RABGEF1: variants seen among roughly 807,000 people sequenced by gnomAD.
RABGEF1 encodes the protein rab5 GDP/GTP exchange factor.
Under a neutral mutation model 57.3 loss-of-function variants are expected in RABGEF1, and 26 were observed. The observed-to-expected ratio is 0.45, with a 90% confidence interval of 0.33 to 0.63. The LOEUF is 0.63. RABGEF1 is among the 20% of genes least tolerant of loss of function. RABGEF1 has a pLI of 0.02. For missense variants in RABGEF1, 464 were observed against 607.6 expected (o/e 0.76, Z 2.48); for synonymous variants, 185 against 210.7 (o/e 0.88, Z 1.06).
chr7:66,720,194 A>ATTAT (rs1263772824), intron 2 of RABGEF1, among the ~76,000 whole-genome samples: 1 of 134,336 alleles, frequency 7.4e-6, no homozygotes, highest in African/African-American at 2.8e-5. Context: ...TATTATTATT[A>ATTAT]TTTTTTTTTT....
chr7:66,753,306 T>C (rs193101362), intron 1 of RABGEF1, among the ~76,000 whole-genome samples: 26 of 152,332 alleles, frequency 1.7e-4, no homozygotes, highest in South Asian at 6.2e-4. Context: ...TGTATGATTG[T>C]CCTATTTGTA....
the RABGEF1 span, among the ~76,000 whole-genome samples, chr7:66,668,540 T>C: frequency 6.6e-6 from 1 of 152,072 alleles, no homozygotes; most frequent in Non-Finnish European, 1.5e-5. Flanking sequence ...GAGAAGACCC[T>C]CTGGAGAGGG....
intron 1 of RABGEF1, among the ~76,000 whole-genome samples, chr7:66,689,325 AAG>A (rs1055809371): frequency 3.3e-5 from 5 of 152,122 alleles, no homozygotes; most frequent in Non-Finnish European, 7.3e-5. Context: ...AGAAAAAAAA[AAG>A]AAAACTCAAA....
intron 1 of RABGEF1, among the ~76,000 whole-genome samples, chr7:66,742,752 G>A (rs1165483842): frequency 6.6e-6 from 1 of 152,088 alleles, no homozygotes; most frequent in Admixed American, 6.6e-5. Context: ...GACTGCAGAT[G>A]CGTGCCACCA....
Position 66,771,889 on chromosome 7 carries a change from G to A in RABGEF1, c.-11G>A. ...CACTTTCTTGTTTGTTCAGTGGTTA[G>A]CAGGAAGAAGATGAGCCTTAAGTCT... On this transcript the variant is annotated 5_prime_UTR_variant, in exon 2 of 9. Coordinates refer to ENST00000284957, the MANE Select transcript of RABGEF1 (RefSeq NM_014504.3). 6.7e-7 allele frequency: 1 copy of A among 1,488,350 alleles called. No individual in the cohort carries two copies. Among genetic ancestry groups the A allele is most frequent in the Non-Finnish European group, 9.0e-7 (1 of 1,112,428 alleles). The allele number at this position is 1,488,350 out of a possible 1,614,324, so 92.2% of individuals were successfully genotyped here.
intron 1 of RABGEF1, among the ~76,000 whole-genome samples, chr7:66,751,510 A>G (rs936090243): frequency 5.3e-5 from 8 of 152,204 alleles, no homozygotes; most frequent in Non-Finnish European, 1.0e-4. Context: ...TTCAGAGAAG[A>G]AATCACTCTT....
rs1378828254 is a variant in RABGEF1, at chr7:66,783,742, G to A, written c.414G>A (p.Val138=). Reference sequence around the variant, plus strand: ...AAACCAGCATTGAAACGGATAGAGTGTCTAAGGAGTTCATAGAATTTCTCA... The same window carrying A: ...AAACCAGCATTGAAACGGATAGAGTATCTAAGGAGTTCATAGAATTTCTCA... The part of the protein sequence containing the change: ...NRQTSIETDR[V]SKEFIEFLKT... The change falls in exon 4 of 9, where the codon GTG becomes GTA. Residue 138 remains valine, a synonymous_variant. Transcript: ENST00000284957. The A allele has an allele frequency of 1.2e-6, 2 of 1,613,506 alleles. No individual in the cohort carries two copies. The highest frequency in any genetic ancestry group is 2.2e-5 in the East Asian group (1 of 44,872).
Position 66,754,554 on chromosome 7 carries a change from G to A in RABGEF1, c.-18+13762G>A, listed in dbSNP as rs560659882. Among the ~76,000 whole-genome samples, 263 of 152,094 alleles carry A rather than the reference G, an allele frequency of 1.7e-3. 1 individual carries two copies. Among genetic ancestry groups the A allele is most frequent in the African/African-American group, 6.1e-3 (253 of 41,496 alleles). ...AGCCCAGGAGTTGGAGACCAGCCTG[G>A]CCAACAGGGTGAGACCTTGTAGCTA... On this transcript the variant is annotated intron_variant, in intron 1 of 8. Coordinates refer to ENST00000284957, the MANE Select transcript of RABGEF1 (RefSeq NM_014504.3).
chr7:66,658,197 A>G, the RABGEF1 span, among the ~76,000 whole-genome samples: 1 of 152,184 alleles, frequency 6.6e-6, no homozygotes, highest in Non-Finnish European at 1.5e-5. Flanking sequence ...AAATCTCTAG[A>G]AACACAAACC....
At chr7:66,790,296 C>T (rs1472813909) in intron 4 of RABGEF1, among the ~76,000 whole-genome samples, 2 of 152,124 alleles carry the variant, frequency 1.3e-5, no homozygotes, top group East Asian at 3.8e-4. Context: ...CAAGCTGAAC[C>T]CTGTCAGAGC....
At chr7:66,757,826 T>C (rs971354022) in intron 1 of RABGEF1, among the ~76,000 whole-genome samples, 1 of 152,184 alleles carries the variant, frequency 6.6e-6, no homozygotes, top group Non-Finnish European at 1.5e-5. Flanking sequence ...TTAGCCAGGA[T>C]GGTCTCGATC....
chr7:66,711,348 G>T (rs994858810), intron 1 of RABGEF1, among the ~76,000 whole-genome samples: 2 of 150,082 alleles, frequency 1.3e-5, no homozygotes, highest in Non-Finnish European at 3.0e-5. Flanking sequence ...TATTTTTTTC[G>T]ATGTTTTCTT....
At chr7:66,748,338 AT>A (rs1003530759) in intron 1 of RABGEF1, among the ~76,000 whole-genome samples, 2 of 152,144 alleles carry the variant, frequency 1.3e-5, no homozygotes, top group African/African-American at 4.8e-5. Context: ...GAGTAGGTGG[AT>A]TGCACATTCT....
In RABGEF1 at chr7:66,750,659, T is replaced by C. The variant is rs182713246; in HGVS notation, c.-18+9867T>C. ...ATAATATACACACATATAATGGTGC[T>C]TGAGAAATAAGTTGAGATTATTTTA... is the stretch of plus-strand genomic sequence containing the variant. On this transcript the variant is annotated intron_variant, in intron 1 of 8. Coordinates refer to ENST00000284957, the MANE Select transcript of RABGEF1 (RefSeq NM_014504.3). Among the ~76,000 whole-genome samples the C allele has an allele frequency of 2.3e-3, 353 of 152,348 alleles. 2 individuals are homozygous for C. Among genetic ancestry groups the C allele is most frequent in the African/African-American group, 7.8e-3 (325 of 41,574 alleles).
intron 4 of RABGEF1, among the ~76,000 whole-genome samples, chr7:66,790,760 T>C (rs1450446628): frequency 2.0e-5 from 3 of 152,210 alleles, no homozygotes; most frequent in Non-Finnish European, 4.4e-5. Flanking sequence ...ACAGTTGCAT[T>C]AATGAACTCC....
intron 1 of RABGEF1, among the ~76,000 whole-genome samples, chr7:66,768,531 A>C (rs964913403): frequency 6.6e-6 from 1 of 152,062 alleles, no homozygotes; most frequent in African/African-American, 2.4e-5. Context: ...CCCAGAGCAA[A>C]ATGTTTTGTT....
chr7:66,696,041 G>A (rs549039733), intron 1 of RABGEF1, among the ~76,000 whole-genome samples: 54 of 151,896 alleles, frequency 3.6e-4, no homozygotes, highest in African/African-American at 1.3e-3. Context: ...GGGGCTGGAC[G>A]TGGGCCTTAC....
chr7:66,710,756 T>A (rs899670576), intron 1 of RABGEF1, among the ~76,000 whole-genome samples: 2 of 152,208 alleles, frequency 1.3e-5, no homozygotes, highest in African/African-American at 2.4e-5. Flanking sequence ...TTTTAATAAT[T>A]CTTTATATAT....
intron 1 of RABGEF1, among the ~76,000 whole-genome samples, chr7:66,699,492 A>C (rs1792886194): frequency 6.6e-6 from 1 of 152,168 alleles, no homozygotes; most frequent in South Asian, 2.1e-4. Flanking sequence ...GGAGTTCGAG[A>C]CCAGCCTGGC....
Sources: allele counts gnomAD v4.1 joint callset (sites outside exome capture counted in the v4.1 genomes callset), GRCh38; gene constraint gnomAD v4.1.1; transcripts MANE v1.5; gene names NCBI Gene and HGNC (gene_info 2026-07-23, HGNC 2026-07-21).